The following NR3C1 variants were observed in gnomAD, a reference collection of about 807,000 sequenced individuals.
NR3C1 encodes the protein nuclear receptor subfamily 3 group C member 1, also known as glucocorticoid receptor.
NR3C1 carries 14 observed loss-of-function variants against 74.0 expected under a neutral mutation model. That is an observed-to-expected ratio of 0.19 (90% CI 0.12 to 0.30). The LOEUF (loss-of-function observed/expected upper bound fraction) is 0.30, where lower values mean the gene tolerates loss of function less well. NR3C1 is among the 10% of genes least tolerant of loss of function. The probability of loss-of-function intolerance (pLI) is 1.00; values close to 1 mark genes in which losing one functional copy is unlikely to be tolerated. For synonymous variants in NR3C1, 308 were observed against 332.5 expected, an observed-to-expected ratio of 0.93 and a Z score of 0.80; for missense variants, 695 against 909.8, an observed-to-expected ratio of 0.76 and a Z score of 3.04.
At chr5:143,348,664 T>C (rs1369304996) in intron 2 of NR3C1, among the ~76,000 whole-genome samples, 2 of 152,094 alleles carry the variant, frequency 1.3e-5, no homozygotes, top group Non-Finnish European at 2.9e-5. Context: ...CTACCTAGAG[T>C]TCCCATGTAC....
intron 2 of NR3C1, among the ~76,000 whole-genome samples, chr5:143,352,310 T>C (rs920651527): frequency 2.0e-5 from 3 of 152,170 alleles, no homozygotes; most frequent in Non-Finnish European, 2.9e-5. Context: ...AAATTCTATA[T>C]CCCAAAGAAA....
At chr5:143,403,089 C>T in intron 1 of NR3C1, 122 bp downstream of exon 1, 1 of 796,822 alleles carries the variant, frequency 1.3e-6, no homozygotes, top group Non-Finnish European at 1.5e-6. Flanking sequence ...AGCCCCCCAC[C>T]CCCACTCCCC....
At chr5:143,306,333 T>A (rs1335831551) in intron 4 of NR3C1, among the ~76,000 whole-genome samples, 1 of 151,544 alleles carries the variant, frequency 6.6e-6, no homozygotes, top group Admixed American at 6.6e-5. Context: ...AGCACTCTGA[T>A]GAACAAGAGA....
At chr5:143,338,739 T>C (rs1056178017) in intron 2 of NR3C1, among the ~76,000 whole-genome samples, 6 of 152,186 alleles carry the variant, frequency 3.9e-5, no homozygotes, top group African/African-American at 1.4e-4. Flanking sequence ...AAGGTTAATT[T>C]ATTATTGAAG....
chr5:143,334,922 C>G (rs992533892), intron 2 of NR3C1, among the ~76,000 whole-genome samples: 1 of 151,696 alleles, frequency 6.6e-6, no homozygotes, highest in Non-Finnish European at 1.5e-5. Context: ...TCTCACAGTG[C>G]GAAAAAGAAT....
chr5:143,368,958 T>C (rs911478149), intron 2 of NR3C1, among the ~76,000 whole-genome samples: 1 of 152,158 alleles, frequency 6.6e-6, no homozygotes. Flanking sequence ...CTGAGCTTAC[T>C]AGATTAGTTC....
At chr5:143,289,922 C>T (rs72801046) in intron 7 of NR3C1, among the ~76,000 whole-genome samples, 2,536 of 152,248 alleles carry the variant, frequency 0.017, 43 homozygotes, top group Non-Finnish European at 0.027. Context: ...TTTAAACACA[C>T]ACTCAACCTA....
intron 2 of NR3C1, among the ~76,000 whole-genome samples, chr5:143,397,114 A>G (rs548566474): frequency 2.6e-5 from 4 of 151,970 alleles, no homozygotes; most frequent in African/African-American, 9.6e-5. Context: ...GTGATAATTC[A>G]ATGTTGTGGT....
At chr5:143,348,518 C>T (rs1028843757) in intron 2 of NR3C1, among the ~76,000 whole-genome samples, 3 of 152,166 alleles carry the variant, frequency 2.0e-5, no homozygotes, top group African/African-American at 7.2e-5. Context: ...AGTGACACGC[C>T]ACCTTCTTGT....
intron 2 of NR3C1, among the ~76,000 whole-genome samples, chr5:143,346,791 C>T (rs981346275): frequency 2.6e-5 from 4 of 152,184 alleles, no homozygotes; most frequent in Admixed American, 6.5e-5. Flanking sequence ...AAACTAAAAA[C>T]GTAGCATGCC....
At position 143,355,742 on chromosome 5, in the gene NR3C1, C is replaced by T. The variant is rs565989608; in HGVS notation, c.1185-41574G>A. 3.3e-5 allele frequency among the ~76,000 whole-genome samples: 5 copies of T among 152,302 alleles called. No homozygotes were observed. The South Asian group carries it at 8.3e-4, about 25-fold the overall frequency. On this transcript the variant is annotated intron_variant, in intron 2 of 8. Transcript: ENST00000394464. ...TTAAAGGTATTCAGATTCAATGAAACAGTACTAATAACTTCCAGGCCATTC... is the reference window on the plus strand; with the variant it reads ...TTAAAGGTATTCAGATTCAATGAAATAGTACTAATAACTTCCAGGCCATTC...
At chr5:143,295,627 ACTG>A in intron 6 of NR3C1, 37 bp from the exon 7 acceptor site, 1 of 1,550,482 alleles carries the variant, frequency 6.4e-7, no homozygotes, top group Non-Finnish European at 8.9e-7. Context: ...AGTTAGAAAT[ACTG>A]CTACTTCCCC....
intron 2 of NR3C1, among the ~76,000 whole-genome samples, chr5:143,348,065 G>T (rs1462447964): frequency 6.6e-6 from 1 of 152,152 alleles, no homozygotes. Flanking sequence ...TGATTCTTCA[G>T]TATTCATCTC....
At chr5:143,333,127 A>C in intron 2 of NR3C1, 1 of 1,591,468 alleles carries the variant, frequency 6.3e-7, no homozygotes, top group Non-Finnish European at 8.5e-7. Context: ...CGCCCTTTCC[A>C]CCTCTCAGTG....
chr5:143,403,612 A>G lies in NR3C1; in HGVS notation c.-415T>C. On this transcript the variant is annotated 5_prime_UTR_variant, in exon 1 of 9. Coordinates refer to ENST00000394464, the MANE Select transcript of NR3C1 (RefSeq NM_000176.3). ...TGGAGGAGGCGGCGGCGGAGGGAAG[A>G]GAGCGCGGACACGCGAAAGGGCAGC... is the stretch of plus-strand genomic sequence containing the variant. The G allele has an allele frequency of 3.0e-6, 3 of 985,916 alleles. No individual in the cohort carries two copies. The highest frequency in any genetic ancestry group is 3.6e-6 in the Non-Finnish European group (3 of 830,372). The allele number at this position is 985,916 out of a possible 1,614,324, so 61.1% of individuals were successfully genotyped here. A position where few individuals can be genotyped will look rare whatever the true frequency, so the allele number is the denominator to read the frequency against.
At position 143,373,705 on chromosome 5, in the gene NR3C1, G is replaced by A. The variant is rs114896985; in HGVS notation, c.1184+25951C>T. 2.1e-3 allele frequency among the ~76,000 whole-genome samples: 324 copies of A among 151,978 alleles called. 2 individuals carry two copies. Among genetic ancestry groups the A allele is most frequent in the Admixed American group, 6.4e-3 (98 of 15,274 alleles). On this transcript the variant is annotated intron_variant, in intron 2 of 8. Coordinates refer to ENST00000394464, the MANE Select transcript of NR3C1 (RefSeq NM_000176.3). ...GTATTATTTAGGGATATGTAGATAG[G>A]TAGTAAAATCATAAAACAAAGCAAA...
intron 2 of NR3C1, among the ~76,000 whole-genome samples, chr5:143,369,739 T>C (rs946869724): frequency 2.0e-5 from 3 of 152,324 alleles, no homozygotes; most frequent in African/African-American, 4.8e-5. Flanking sequence ...CAAAGAATTA[T>C]CCAATCAAAA....
rs750193711 is a variant in NR3C1 at position 143,298,688 on chromosome 5, A to G, written c.1872T>C (p.Ala624=). ...RQSSANLLCF[A]PDLIINEQRM... ...CTTACTCATTAATAATCAGATCAGG[A>G]GCAAAACACAGCAGGTTTGCACTTG... The change falls in exon 6 of 9, where the codon GCT becomes GCC. Residue 624 remains alanine (A), a synonymous_variant. Coordinates refer to ENST00000394464, the MANE Select transcript of NR3C1 (RefSeq NM_000176.3). The G allele has an allele frequency of 4.0e-5, 65 of 1,613,672 alleles. No individual in the cohort carries two copies. The highest frequency in any genetic ancestry group is 5.3e-5 in the Non-Finnish European group (62 of 1,179,842).
intron 7 of NR3C1, among the ~76,000 whole-genome samples, chr5:143,291,133 T>A (rs1815848213): frequency 6.6e-6 from 1 of 152,170 alleles, no homozygotes; most frequent in Non-Finnish European, 1.5e-5. Flanking sequence ...TTGTTACTGT[T>A]GTTATTTTAT....
Sources: gnomAD v4.1 joint callset for allele counts (sites outside exome capture counted in the v4.1 genomes callset) on GRCh38, gnomAD v4.1.1 for gene constraint, MANE v1.5 for transcripts, NCBI Gene and HGNC (gene_info 2026-07-23, HGNC 2026-07-21) for gene names.